TOX: variants seen among roughly 807,000 people sequenced by gnomAD.
TOX encodes thymocyte selection-associated high mobility group box protein TOX.
A neutral mutation model predicts 53.7 loss-of-function variants in TOX; 11 were observed. That is an observed-to-expected ratio of 0.20 (90% CI 0.13 to 0.34). The LOEUF (loss-of-function observed/expected upper bound fraction) is 0.34, where lower values mean the gene tolerates loss of function less well. TOX is among the 10% of genes least tolerant of loss of function. The probability of loss-of-function intolerance (pLI) is 1.00; values close to 1 mark genes in which losing one functional copy is unlikely to be tolerated. For missense variants in TOX, 570 were observed against 664.6 expected (o/e 0.86, Z 1.56); for synonymous variants, 225 against 245.3 (o/e 0.92, Z 0.77).
chr8:58,829,332 G>A (rs1351939827), intron 5 of TOX, among the ~76,000 whole-genome samples: 1 of 152,176 alleles, frequency 6.6e-6, no homozygotes, highest in Non-Finnish European at 1.5e-5. Context: ...GTTGTTACGG[G>A]ATACCTGACT....
intron 1 of TOX, among the ~76,000 whole-genome samples, chr8:58,983,288 A>G (rs1379352954): frequency 3.3e-5 from 5 of 152,202 alleles, no homozygotes; most frequent in African/African-American, 4.8e-5. Context: ...AGGCTTGTTA[A>G]TACACAGACT....
At chr8:58,828,660 A>G (rs2129166012) in intron 5 of TOX, among the ~76,000 whole-genome samples, 1 of 152,208 alleles carries the variant, frequency 6.6e-6, no homozygotes, top group South Asian at 2.1e-4. Flanking sequence ...TGATCTGTGT[A>G]TATCGTAAGC....
At chr8:58,873,603 AAAG>A (rs1811232053) in intron 3 of TOX, among the ~76,000 whole-genome samples, 1 of 152,156 alleles carries the variant, frequency 6.6e-6, no homozygotes, top group Non-Finnish European at 1.5e-5. Flanking sequence ...TTGTAAGTAG[AAAG>A]AAGTTGTCTG....
intron 7 of TOX, among the ~76,000 whole-genome samples, chr8:58,810,607 C>A (rs1281889875): frequency 6.6e-6 from 1 of 151,590 alleles, no homozygotes; most frequent in Non-Finnish European, 1.5e-5. Context: ...CCCACCGTGG[C>A]CTCCCAAAGT....
chr8:58,810,689 C>T (rs1406129800), intron 7 of TOX, among the ~76,000 whole-genome samples: 4 of 151,860 alleles, frequency 2.6e-5, no homozygotes, highest in African/African-American at 9.7e-5. Context: ...CAAAATGTAA[C>T]CTAAAAGGAA....
intron 5 of TOX, 86 bp from the exon 6 acceptor site, chr8:58,826,988 C>T (rs906019868): frequency 9.5e-6 from 8 of 842,462 alleles, no homozygotes; most frequent in Middle Eastern, 3.5e-4. Flanking sequence ...TAACTGCACA[C>T]ACAAACACAC....
intron 1 of TOX, among the ~76,000 whole-genome samples, chr8:59,018,879 T>C (rs992822753): frequency 6.6e-6 from 1 of 152,214 alleles, no homozygotes; most frequent in Non-Finnish European, 1.5e-5. Flanking sequence ...ATAATTGTAA[T>C]TTTTAAAGAT....
At chr8:58,819,574 A>G (rs969696146) in intron 6 of TOX, among the ~76,000 whole-genome samples, 1 of 152,246 alleles carries the variant, frequency 6.6e-6, no homozygotes, top group Non-Finnish European at 1.5e-5. Context: ...CATATGCAAA[A>G]TGTATAAAGG....
At chr8:59,068,245 G>GA (rs71557751) in intron 1 of TOX, among the ~76,000 whole-genome samples, 2,644 of 151,672 alleles carry the variant, frequency 0.017, 85 homozygotes, top group African/African-American at 0.061. Context: ...TTTAAAAGCA[G>GA]AAAAAAAATA....
At chr8:58,978,948 C>T (rs1163775532) in intron 1 of TOX, among the ~76,000 whole-genome samples, 1 of 152,202 alleles carries the variant, frequency 6.6e-6, no homozygotes, top group African/African-American at 2.4e-5. Flanking sequence ...CTGCCTGTAT[C>T]TACCTCCGAA....
In TOX at chr8:58,838,628, C is replaced by A. The variant is rs113192404; in HGVS notation, c.694-317G>T. ...TCTTACACTGTAACTGTGTCAACAG[C>A]AGATTTCTCTGGTAGTAACACTATT... On this transcript the variant is annotated intron_variant, in intron 4 of 8. Transcript: ENST00000361421. Among the ~76,000 whole-genome samples the A allele has an allele frequency of 2.9e-3, 445 of 151,544 alleles. 4 individuals carry two copies. The highest frequency in any genetic ancestry group is 0.01 in the African/African-American group (424 of 41,208).
chr8:58,914,991 G>A (rs1811982943), intron 3 of TOX, among the ~76,000 whole-genome samples: 1 of 151,750 alleles, frequency 6.6e-6, no homozygotes. Flanking sequence ...GCGCTTTTCA[G>A]ACCGGCTTAA....
intron 2 of TOX, among the ~76,000 whole-genome samples, chr8:58,946,062 CT>C (rs1812517848): frequency 6.6e-6 from 1 of 151,976 alleles, no homozygotes; most frequent in African/African-American, 2.4e-5. Flanking sequence ...AAATATGTTT[CT>C]CATATAGAAC....
chr8:58,960,164 G>A (rs1812777522), intron 1 of TOX, among the ~76,000 whole-genome samples, 156 bp from the exon 2 acceptor site: 1 of 152,180 alleles, frequency 6.6e-6, no homozygotes, highest in Admixed American at 6.5e-5. Flanking sequence ...CAGCAAGCGA[G>A]CCACATCTTT....
At position 58,838,201 on chromosome 8, in the gene TOX, A is replaced by G. The variant is rs1336785874; in HGVS notation, c.804T>C (p.Tyr268=). ...CCTGAGTATCACGAAAGAATAACGC[A>G]TAGGCAGACACAGGCTTCTGGGGCT... ...PNEPQKPVSA[Y]ALFFRDTQAA... is the part of the protein sequence containing the mutation. Residue 268 remains tyrosine, a synonymous_variant, in exon 5 of 9, where the codon TAT becomes TAC. Transcript: ENST00000361421. 2 of 1,614,208 alleles carry G rather than the reference A, an allele frequency of 1.2e-6. No homozygotes were observed. The highest frequency in any genetic ancestry group is 1.7e-5 in the Admixed American group (1 of 60,030).
At chr8:58,936,256 T>G (rs1356080917) in intron 3 of TOX, among the ~76,000 whole-genome samples, 1 of 152,162 alleles carries the variant, frequency 6.6e-6, no homozygotes, top group Non-Finnish European at 1.5e-5. Flanking sequence ...TTCCTCTTGG[T>G]TTATCCAAAT....
chr8:58,875,992 C>A (rs777286056), intron 3 of TOX, among the ~76,000 whole-genome samples: 1 of 152,072 alleles, frequency 6.6e-6, no homozygotes, highest in Non-Finnish European at 1.5e-5. Flanking sequence ...TCCTCAGATC[C>A]TAGATTACTT....
At chr8:59,025,956 G>A (rs987764107) in intron 1 of TOX, among the ~76,000 whole-genome samples, 3 of 152,144 alleles carry the variant, frequency 2.0e-5, no homozygotes, top group Non-Finnish European at 4.4e-5. Context: ...GAATAGAATT[G>A]AACTGGTTGT....
intron 3 of TOX, among the ~76,000 whole-genome samples, chr8:58,924,981 C>G (rs1318423637): frequency 6.6e-6 from 1 of 152,162 alleles, no homozygotes; most frequent in Non-Finnish European, 1.5e-5. Flanking sequence ...TCCTCCTCTT[C>G]CTCACTGCAG....
Sources: allele counts gnomAD v4.1 joint callset (sites outside exome capture counted in the v4.1 genomes callset), GRCh38; gene constraint gnomAD v4.1.1; transcripts MANE v1.5; gene names NCBI Gene and HGNC (gene_info 2026-07-23, HGNC 2026-07-21).